PSMD14: variants seen among roughly 807,000 people sequenced by gnomAD.
The protein encoded by PSMD14 is ubiquitin C-terminal hydrolase PSMD14.
A neutral mutation model predicts 41.2 loss-of-function variants in PSMD14; 7 were observed. That is an observed-to-expected ratio of 0.17 (90% CI 0.10 to 0.32). The LOEUF (loss-of-function observed/expected upper bound fraction) is 0.32, where lower values mean the gene tolerates loss of function less well. Ranked by LOEUF, PSMD14 falls within the 10% of genes least tolerant of loss-of-function variation. The pLI, the probability that PSMD14 is intolerant of heterozygous loss-of-function variation, is 1.00. For synonymous variants in PSMD14, 114 were observed against 122.3 expected, an observed-to-expected ratio of 0.93 and a Z score of 0.45; for missense variants, 139 against 375.6, an observed-to-expected ratio of 0.37 and a Z score of 5.21.
rs374871948 is a variant in PSMD14, at chr2:161,318,796, G to A, written c.-4-26G>A. The A allele has an allele frequency of 1.9e-5, 30 of 1,602,850 alleles. No individual in the cohort carries two copies. The East Asian group carries it at 3.4e-4, about 18-fold the overall frequency. Reference sequence around the variant, plus strand: ...AATAAACATTTTTGTGCTTAGGAACGTTTTTTCTTTGTTTCTGTTTTCTAG... The same window carrying A: ...AATAAACATTTTTGTGCTTAGGAACATTTTTTCTTTGTTTCTGTTTTCTAG... On this transcript the variant is annotated intron_variant, in intron 2 of 11. Transcript: ENST00000409682.
intron 3 of PSMD14, among the ~76,000 whole-genome samples, chr2:161,343,218 C>T (rs576779137): frequency 6.6e-6 from 1 of 152,304 alleles, no homozygotes; most frequent in East Asian, 1.9e-4. Context: ...GACCATAATA[C>T]TTCATCTTCC....
intron 11 of PSMD14, among the ~76,000 whole-genome samples, chr2:161,409,873 A>T (rs1054410768): frequency 6.6e-6 from 1 of 152,084 alleles, no homozygotes; most frequent in Non-Finnish European, 1.5e-5. Context: ...TTCTCATCTT[A>T]TGTGATATCA....
chr2:161,408,537 C>T (rs1683984298), intron 10 of PSMD14: 1 of 326,826 alleles, frequency 3.1e-6, no homozygotes, highest in South Asian at 3.0e-5. Context: ...CTTCCATCTC[C>T]CATCTCCTGA....
At chr2:161,390,995 T>G in intron 8 of PSMD14, 109 bp from the exon 9 acceptor site, 3 of 985,342 alleles carry the variant, frequency 3.0e-6, no homozygotes, top group Non-Finnish European at 4.0e-6. Flanking sequence ...TAAAATGCCT[T>G]TATTAGAGGA....
intron 1 of PSMD14, 77 bp from the exon 2 acceptor site, chr2:161,316,360 T>C (rs1689148324): frequency 6.6e-6 from 1 of 152,214 alleles, no homozygotes; most frequent in Non-Finnish European, 1.5e-5. Flanking sequence ...ATTTTGATTC[T>C]TTTAAAGATT....
chr2:161,329,590 C>T (rs1045064560), intron 3 of PSMD14, among the ~76,000 whole-genome samples: 1 of 151,926 alleles, frequency 6.6e-6, no homozygotes, highest in Non-Finnish European at 1.5e-5. Context: ...GGCATTTTCT[C>T]TTAAGAAGTA....
chr2:161,397,760 G>A (rs1683821688), intron 10 of PSMD14, among the ~76,000 whole-genome samples: 1 of 152,154 alleles, frequency 6.6e-6, no homozygotes, highest in South Asian at 2.1e-4. Flanking sequence ...CAGAATTAGG[G>A]TTGGCTTTGA....
intron 3 of PSMD14, among the ~76,000 whole-genome samples, chr2:161,323,409 A>G (rs1256854746): frequency 6.6e-6 from 1 of 152,118 alleles, no homozygotes; most frequent in African/African-American, 2.4e-5. Context: ...CATGCCTGCA[A>G]TCTCAGCCCT....
chr2:161,397,411 C>T (rs1217967743), intron 10 of PSMD14, among the ~76,000 whole-genome samples: 1 of 152,068 alleles, frequency 6.6e-6, no homozygotes, highest in Non-Finnish European at 1.5e-5. Flanking sequence ...AGTTTCCTGC[C>T]TGGGTGACCA....
chr2:161,323,210 A>T (rs900679400), intron 3 of PSMD14, among the ~76,000 whole-genome samples: 2 of 152,208 alleles, frequency 1.3e-5, no homozygotes, highest in African/African-American at 4.8e-5. Flanking sequence ...CTATTGGCCT[A>T]TTTTTAGTTC....
intron 10 of PSMD14, among the ~76,000 whole-genome samples, chr2:161,401,148 T>C (rs1458712307): frequency 6.6e-6 from 1 of 152,218 alleles, no homozygotes; most frequent in Non-Finnish European, 1.5e-5. Context: ...TACGGTACTG[T>C]AAATGTATTT....
intron 3 of PSMD14, among the ~76,000 whole-genome samples, chr2:161,322,777 T>C (rs1309095126): frequency 6.6e-6 from 1 of 152,170 alleles, no homozygotes; most frequent in Non-Finnish European, 1.5e-5. Flanking sequence ...ATTTCATTGT[T>C]TTTGAGGCCA....
intron 3 of PSMD14, among the ~76,000 whole-genome samples, chr2:161,353,146 G>T (rs1482618350): frequency 6.6e-6 from 1 of 152,154 alleles, no homozygotes; most frequent in Non-Finnish European, 1.5e-5. Flanking sequence ...AAACTGAAAA[G>T]ATACTCTATA....
At chr2:161,336,763 A>G (rs890528795) in intron 3 of PSMD14, among the ~76,000 whole-genome samples, 3 of 152,024 alleles carry the variant, frequency 2.0e-5, no homozygotes. Context: ...TTTAATAGAG[A>G]TGGAGTTTCA....
chr2:161,319,165 A>G (rs948177740), intron 3 of PSMD14: 6 of 288,424 alleles, frequency 2.1e-5, no homozygotes, highest in Non-Finnish European at 3.2e-5. Context: ...AAAACCCTCA[A>G]AATAGCTTAC....
intron 7 of PSMD14, among the ~76,000 whole-genome samples, chr2:161,377,992 G>A (rs1029211381): frequency 9.9e-5 from 15 of 151,806 alleles, no homozygotes; most frequent in Admixed American, 9.2e-4. Flanking sequence ...ATTGAGAGGC[G>A]TTTTCAGAGC....
intron 3 of PSMD14, chr2:161,341,214 G>A: frequency 1.0e-6 from 1 of 969,956 alleles, no homozygotes. Context: ...GGGCGCGCGG[G>A]CAGGCTCCGG....
intron 7 of PSMD14, among the ~76,000 whole-genome samples, chr2:161,377,964 G>A (rs746754454): frequency 6.6e-6 from 1 of 151,856 alleles, no homozygotes; most frequent in South Asian, 2.1e-4. Context: ...AAGTGGAAAC[G>A]TGGAAACTAT....
chr2:161,338,008 T>C (rs968634870), intron 3 of PSMD14, among the ~76,000 whole-genome samples: 2 of 152,222 alleles, frequency 1.3e-5, no homozygotes, highest in African/African-American at 4.8e-5. Flanking sequence ...TTTGTAACTC[T>C]CTGACTACTT....
Sources: allele counts gnomAD v4.1 joint callset (sites outside exome capture counted in the v4.1 genomes callset), GRCh38; gene constraint gnomAD v4.1.1; transcripts MANE v1.5; gene names NCBI Gene and HGNC (gene_info 2026-07-23, HGNC 2026-07-21).